C1GALT1: variants seen among roughly 807,000 people sequenced by gnomAD.
C1GALT1 encodes glycoprotein-N-acetylgalactosamine 3-beta-galactosyltransferase 1.
C1GALT1 carries 11 observed loss-of-function variants against 31.0 expected under a neutral mutation model. That is an observed-to-expected ratio of 0.36 (90% CI 0.22 to 0.59). C1GALT1 has a LOEUF of 0.59. Among genes scored for constraint, C1GALT1 ranks in the 20% least tolerant of loss-of-function variants. The pLI, the probability that C1GALT1 is intolerant of heterozygous loss-of-function variation, is 0.79. For missense variants in C1GALT1, 424 were observed against 425.2 expected, an observed-to-expected ratio of 1.00 and a Z score of 0.03; for synonymous variants, 175 against 143.6, an observed-to-expected ratio of 1.22 and a Z score of -1.56.
rs1780356282 is a variant in C1GALT1 at position 7,163,225 on chromosome 7, C to T, written c.-18+5799C>T. On this transcript the variant is annotated intron_variant, in intron 2 of 3. Transcript: ENST00000429911. ...TCCTGAATGGTAATGCCTAGCTTTT[C>T]TTCTAGGGTTTTTATGGTTTTAGGT... Among the ~76,000 whole-genome samples the T allele has an allele frequency of 2.6e-5, 4 of 152,288 alleles. No individual in the cohort carries two copies. In the South Asian group the frequency reaches 8.3e-4, roughly 32 times the overall value.
intron 1 of C1GALT1, among the ~76,000 whole-genome samples, chr7:7,222,671 GT>G (rs1424842935): frequency 3.3e-5 from 5 of 152,210 alleles, no homozygotes; most frequent in Non-Finnish European, 5.9e-5. Flanking sequence ...ATTACAGACT[GT>G]GGGTTAGATG....
At chr7:7,202,249 C>T (rs1021911587) in intron 1 of C1GALT1, among the ~76,000 whole-genome samples, 23 of 152,126 alleles carry the variant, frequency 1.5e-4, no homozygotes, top group Admixed American at 9.8e-4. Flanking sequence ...TGGATTCTCT[C>T]GGCTTTCCTG....
intron 1 of C1GALT1, among the ~76,000 whole-genome samples, chr7:7,200,819 G>A (rs1781500521): frequency 6.6e-6 from 1 of 152,196 alleles, no homozygotes; most frequent in Non-Finnish European, 1.5e-5. Flanking sequence ...GCATCACGTA[G>A]TTCTTGTGCC....
chr7:7,219,399 T>A (rs1224322093), intron 1 of C1GALT1, among the ~76,000 whole-genome samples: 1 of 110,978 alleles, frequency 9.0e-6, no homozygotes, highest in Non-Finnish European at 1.8e-5. Flanking sequence ...ATGTACCCTC[T>A]GGTGAGGAAT....
intron 3 of C1GALT1, among the ~76,000 whole-genome samples, chr7:7,239,892 A>G (rs1358536667): frequency 6.6e-6 from 1 of 152,192 alleles, no homozygotes; most frequent in Non-Finnish European, 1.5e-5. Context: ...AATGTTAATT[A>G]CATGTCTGCT....
At chr7:7,233,603 G>A (rs376316742) in intron 1 of C1GALT1, among the ~76,000 whole-genome samples, 1 of 152,174 alleles carries the variant, frequency 6.6e-6, no homozygotes, top group South Asian at 2.1e-4. Context: ...GGCTAGGTAC[G>A]GTTTTGTGAG....
chr7:7,169,542 G>T (rs1270757156), intron 2 of C1GALT1, among the ~76,000 whole-genome samples: 5 of 146,476 alleles, frequency 3.4e-5, no homozygotes, highest in East Asian at 4.0e-4. Context: ...TGGATATTTT[G>T]TTTTTTTTTT....
intron 1 of C1GALT1, among the ~76,000 whole-genome samples, chr7:7,183,104 C>G (rs1273706593): frequency 6.6e-6 from 1 of 152,130 alleles, no homozygotes; most frequent in Non-Finnish European, 1.5e-5. Context: ...GGGTCCTTCC[C>G]TTGTGCCCGC....
In C1GALT1 at chr7:7,234,495, T is replaced by C. The variant is rs770921505; in HGVS notation, c.176T>C (p.Leu59Pro). ...TCAGATGATAATGGACAGAATCATC[T>C]AGAAGGACAAATGAACTTCAATGCA... Reference protein sequence around the residue: ...RHSDDNGQNHLEGQMNFNADS... With the variant: ...RHSDDNGQNHPEGQMNFNADS... Residue 59 changes from leucine to proline, a missense_variant, in exon 2 of 4, where the codon CTA becomes CCA. This residue lies in a region of C1GALT1 where 189 missense variants were observed against 158.2 expected (regional missense o/e 1.19). Transcript: ENST00000436587. The C allele has an allele frequency of 1.6e-5, 26 of 1,613,622 alleles. No individual in the cohort carries two copies. Among genetic ancestry groups the C allele is most frequent in the Middle Eastern group, 1.6e-4 (1 of 6,078 alleles).
At chr7:7,240,455 A>G (rs1467563330) in intron 3 of C1GALT1, among the ~76,000 whole-genome samples, 1 of 152,164 alleles carries the variant, frequency 6.6e-6, no homozygotes, top group Non-Finnish European at 1.5e-5. Flanking sequence ...TTTTTGATGT[A>G]AACTTTTCTT....
chr7:7,240,832 G>C (rs771858630), intron 3 of C1GALT1, among the ~76,000 whole-genome samples: 7 of 151,984 alleles, frequency 4.6e-5, no homozygotes, highest in African/African-American at 7.2e-5. Flanking sequence ...CTATCATTTA[G>C]TAAGTTTTCT....
chr7:7,216,808 C>T (rs2881755), intron 1 of C1GALT1, among the ~76,000 whole-genome samples: 80,742 of 151,724 alleles, frequency 0.53, 22,815 homozygotes, highest in East Asian at 0.94. Context: ...GCATAAACTT[C>T]CGTTCTCAGA....
At chr7:7,235,487 GCT>G (rs1783294310) in intron 2 of C1GALT1, among the ~76,000 whole-genome samples, 1 of 152,188 alleles carries the variant, frequency 6.6e-6, no homozygotes, top group African/African-American at 2.4e-5. Context: ...CTGAGCAAGT[GCT>G]CTGTGTTCCT....
At chr7:7,235,464 C>T (rs1424389906) in intron 2 of C1GALT1, among the ~76,000 whole-genome samples, 1 of 152,130 alleles carries the variant, frequency 6.6e-6, no homozygotes, top group Admixed American at 6.6e-5. Flanking sequence ...GTTTATGTAA[C>T]AGTAATTCAG....
intron 2 of C1GALT1, among the ~76,000 whole-genome samples, chr7:7,172,142 C>T (rs542809497): frequency 6.6e-6 from 1 of 152,082 alleles, no homozygotes; most frequent in African/African-American, 2.4e-5. Context: ...TGGAAGGAAA[C>T]GTTGAACTCA....
At chr7:7,233,613 G>T (rs1419732659) in intron 1 of C1GALT1, among the ~76,000 whole-genome samples, 1 of 152,216 alleles carries the variant, frequency 6.6e-6, no homozygotes, top group African/African-American at 2.4e-5. Flanking sequence ...GGTTTTGTGA[G>T]ACATATTGCC....
intron 1 of C1GALT1, among the ~76,000 whole-genome samples, chr7:7,216,504 CA>C (rs530743493): frequency 2.1e-5 from 3 of 142,686 alleles, no homozygotes; most frequent in Non-Finnish European, 3.0e-5. Context: ...CTCCCCCAGC[CA>C]AAAAAAACAT....
intron 1 of C1GALT1, among the ~76,000 whole-genome samples, chr7:7,223,338 T>C (rs964877576): frequency 6.6e-6 from 1 of 152,140 alleles, no homozygotes; most frequent in East Asian, 1.9e-4. Flanking sequence ...TTTAAAAATA[T>C]TTTTAGTAGA....
intron 2 of C1GALT1, among the ~76,000 whole-genome samples, chr7:7,165,045 G>A (rs1219430461): frequency 1.3e-5 from 2 of 152,134 alleles, no homozygotes; most frequent in Non-Finnish European, 2.9e-5. Flanking sequence ...TTTTAGATTT[G>A]AAAGCCTCAG....
Sources: gnomAD v4.1 joint callset for allele counts (sites outside exome capture counted in the v4.1 genomes callset) on GRCh38, gnomAD v4.1.1 for gene constraint, gnomAD v4.1.1 regional missense constraint, MANE v1.5 for transcripts, NCBI Gene and HGNC (gene_info 2026-07-23, HGNC 2026-07-21) for gene names.